The following FBXW8 variants were observed in gnomAD, a reference collection of about 807,000 sequenced individuals.
FBXW8 encodes the protein F-box/WD repeat-containing protein 8.
A neutral mutation model predicts 65.3 loss-of-function variants in FBXW8; 57 were observed. The ratio of observed to expected loss-of-function variants is 0.87; its 90% confidence interval spans 0.71 to 1.09. The LOEUF (loss-of-function observed/expected upper bound fraction) is 1.09, where lower values mean the gene tolerates loss of function less well. FBXW8 is among the 50% of genes least tolerant of loss of function. The probability of loss-of-function intolerance (pLI) is 0.00; values close to 1 mark genes in which losing one functional copy is unlikely to be tolerated. For synonymous variants in FBXW8, 308 were observed against 330.2 expected (o/e 0.93, Z 0.73); for missense variants, 777 against 814.8 (o/e 0.95, Z 0.57).
At chr12:116,929,872 T>A (rs868389581) in intron 2 of FBXW8, among the ~76,000 whole-genome samples, 6 of 152,184 alleles carry the variant, frequency 3.9e-5, no homozygotes, top group Non-Finnish European at 7.3e-5. Context: ...ACCGCCATTC[T>A]ACTCTCTACT....
intron 3 of FBXW8, chr12:116,949,235 G>T: frequency 5.0e-6 from 1 of 199,750 alleles, no homozygotes; most frequent in East Asian, 1.1e-4. Context: ...TCTTTTTGCT[G>T]AACGGAACTT....
In FBXW8 at chr12:117,027,889, G is replaced by A. The variant is rs1038599303; in HGVS notation, c.1653-139G>A. The A allele has an allele frequency of 5.3e-5, 61 of 1,142,490 alleles. 1 individual carries two copies. The highest frequency in any genetic ancestry group is 6.8e-5 in the Non-Finnish European group (55 of 810,086). 70.8% of individuals were successfully genotyped at this position (1,142,490 alleles called of 1,614,324 possible). On this transcript the variant is annotated intron_variant, in intron 10 of 10. Transcript: ENST00000652555. ...AAGCCGGGGACTGTGAGTATCTGACGCTGTGTGCCCAGAGAACGCGTTTGT... is the reference window on the plus strand; with the variant it reads ...AAGCCGGGGACTGTGAGTATCTGACACTGTGTGCCCAGAGAACGCGTTTGT...
At chr12:116,928,787 G>A (rs374379928) in intron 2 of FBXW8, among the ~76,000 whole-genome samples, 3 of 152,176 alleles carry the variant, frequency 2.0e-5, no homozygotes, top group Non-Finnish European at 4.4e-5. Context: ...TCAGATTCAG[G>A]AAGTCTGCGG....
rs761994331 is a variant in FBXW8 at position 117,027,438 on chromosome 12, C to CGGCCA, written c.1587_1591dup (p.Asn531ArgfsTer9). ...TCATTCAGCAGCCACAGCCTCATCA[C>CGGCCA]GGCCAACGTGCCTTACCAGACGGTA... is the stretch of plus-strand genomic sequence containing the variant. On this transcript the variant is annotated frameshift_variant, in exon 10 of 11. Transcript: ENST00000652555. LOFTEE classifies it high-confidence loss of function. 1 of 1,614,192 alleles carries CGGCCA rather than the reference C, an allele frequency of 6.2e-7. No individual in the cohort carries two copies. The highest frequency in any genetic ancestry group is 2.2e-5 in the East Asian group (1 of 44,880).
intron 5 of FBXW8, among the ~76,000 whole-genome samples, chr12:116,974,376 A>G (rs1884801202): frequency 6.6e-6 from 1 of 152,192 alleles, no homozygotes; most frequent in Non-Finnish European, 1.5e-5. Context: ...CCAAGAGTAA[A>G]AAGACCTCGT....
At chr12:116,965,688 T>G (rs1485223644) in intron 5 of FBXW8, among the ~76,000 whole-genome samples, 1 of 152,200 alleles carries the variant, frequency 6.6e-6, no homozygotes, top group African/African-American at 2.4e-5. Context: ...GGAACAAAAC[T>G]AAAGTAGCTA....
At chr12:116,984,002 G>C (rs905967336) in intron 5 of FBXW8, among the ~76,000 whole-genome samples, 1 of 152,164 alleles carries the variant, frequency 6.6e-6, no homozygotes, top group African/African-American at 2.4e-5. Context: ...GTCACAAACT[G>C]TTATCTCCAC....
intron 7 of FBXW8, among the ~76,000 whole-genome samples, chr12:116,992,856 G>A (rs1019922651): frequency 6.7e-6 from 1 of 149,634 alleles, no homozygotes; most frequent in African/African-American, 2.5e-5. Flanking sequence ...TCTTATCTTT[G>A]CAGTTGTGAT....
intron 8 of FBXW8, among the ~76,000 whole-genome samples, chr12:117,011,444 T>C (rs1202143098): frequency 6.6e-6 from 1 of 152,170 alleles, no homozygotes; most frequent in Non-Finnish European, 1.5e-5. Context: ...TATGCTTTAT[T>C]GGGAAGAAAA....
chr12:116,985,528 G>A lies in FBXW8; in HGVS notation c.1032+126G>A, dbSNP rs186274334. On this transcript the variant is annotated intron_variant, in intron 6 of 10. Transcript: ENST00000652555. Reference sequence around the variant, plus strand: ...CTTCCTGCGGGCCTTACCTCCATAAGTCTAACTACAGCCTTACAAAATAGG... The same window carrying A: ...CTTCCTGCGGGCCTTACCTCCATAAATCTAACTACAGCCTTACAAAATAGG... The A allele has an allele frequency of 2.4e-5, 21 of 878,770 alleles. No homozygotes were observed. In the African/African-American group the frequency reaches 3.6e-4, roughly 15 times the overall value. 54.4% of individuals were successfully genotyped at this position (878,770 alleles called of 1,614,324 possible).
At chr12:116,940,278 A>C (rs1185496993) in intron 2 of FBXW8, among the ~76,000 whole-genome samples, 1 of 150,732 alleles carries the variant, frequency 6.6e-6, no homozygotes, top group Non-Finnish European at 1.5e-5. Flanking sequence ...TAAATAATTA[A>C]GACACAAAGG....
chr12:116,929,109 T>C (rs990455474), intron 2 of FBXW8, among the ~76,000 whole-genome samples: 7 of 151,974 alleles, frequency 4.6e-5, no homozygotes, highest in East Asian at 1.9e-4. Context: ...CCCGGCCCCA[T>C]TGATGGTCTG....
intron 7 of FBXW8, among the ~76,000 whole-genome samples, chr12:116,991,750 G>A (rs1315232104): frequency 6.6e-6 from 1 of 152,226 alleles, no homozygotes; most frequent in African/African-American, 2.4e-5. Flanking sequence ...TTTAGCTGTA[G>A]TCCATTATTG....
chr12:116,989,727 C>T (rs1953189265), intron 7 of FBXW8, among the ~76,000 whole-genome samples: 1 of 152,190 alleles, frequency 6.6e-6, no homozygotes, highest in Non-Finnish European at 1.5e-5. Context: ...GGTTTTTTCC[C>T]AATTTCCCTG....
At chr12:117,018,457 G>A (rs1205305344) in intron 8 of FBXW8, among the ~76,000 whole-genome samples, 1 of 152,202 alleles carries the variant, frequency 6.6e-6, no homozygotes, top group African/African-American at 2.4e-5. Flanking sequence ...TGAGTGCTGA[G>A]CTGACGACGG....
chr12:116,912,256 C>T (rs1468800173), intron 1 of FBXW8, among the ~76,000 whole-genome samples: 1 of 150,718 alleles, frequency 6.6e-6, no homozygotes, highest in African/African-American at 2.4e-5. Context: ...GTTGCTCTCC[C>T]GGCCCACTGC....
intron 9 of FBXW8, among the ~76,000 whole-genome samples, chr12:117,026,611 G>A (rs868154596): frequency 2.4e-5 from 2 of 83,784 alleles, no homozygotes; most frequent in African/African-American, 1.0e-4. Flanking sequence ...ACCCCTCCCA[G>A]CCCACAGCAC....
At chr12:116,994,291 C>G (rs779932601) in intron 7 of FBXW8, among the ~76,000 whole-genome samples, 4 of 152,032 alleles carry the variant, frequency 2.6e-5, no homozygotes, top group Non-Finnish European at 5.9e-5. Context: ...ATACGCAGAC[C>G]AATGGAATAG....
intron 5 of FBXW8, among the ~76,000 whole-genome samples, chr12:116,971,716 T>C (rs965799680): frequency 2.0e-5 from 3 of 152,158 alleles, no homozygotes; most frequent in Non-Finnish European, 4.4e-5. Flanking sequence ...CTTTTGTTTT[T>C]ATGGTAATCT....
Sources: allele counts gnomAD v4.1 joint callset (sites outside exome capture counted in the v4.1 genomes callset), GRCh38; gene constraint gnomAD v4.1.1; transcripts MANE v1.5; gene names NCBI Gene and HGNC (gene_info 2026-07-23, HGNC 2026-07-21).